Variants in EPB41 observed in about 807,000 individuals in gnomAD.
EPB41 encodes erythrocyte membrane protein band 4.1, also known as protein 4.1.
EPB41 carries 65 observed loss-of-function variants against 108.0 expected under a neutral mutation model. The observed-to-expected ratio is 0.60, with a 90% CI of 0.49 to 0.74. The LOEUF (loss-of-function observed/expected upper bound fraction) is 0.74, where lower values mean the gene tolerates loss of function less well. Among genes scored for constraint, EPB41 ranks in the 30% least tolerant of loss-of-function variants. The probability of loss-of-function intolerance (pLI) is 0.00; values close to 1 mark genes in which losing one functional copy is unlikely to be tolerated. For missense variants in EPB41, 875 were observed against 1,037.0 expected, an observed-to-expected ratio of 0.84 and a Z score of 2.15; for synonymous variants, 336 against 358.9, an observed-to-expected ratio of 0.94 and a Z score of 0.72.
Position 29,112,456 on chromosome 1 carries a change from T to C in EPB41, c.2496+8T>C, listed in dbSNP as rs1220472516. On this transcript the variant is annotated splice_region_variant and intron_variant, in intron 19 of 20. Transcript: ENST00000343067. The stretch of plus-strand genomic sequence containing the variant: ...GATATTGACCATGATCAGGTGGGAA[T>C]GTTGAAGAGATCTGGGCCTGGGAGG... 6.2e-7 allele frequency: 1 copy of C among 1,612,586 alleles called. No individual in the cohort carries two copies.
intron 6 of EPB41, among the ~76,000 whole-genome samples, chr1:29,016,786 T>C (rs973777874): frequency 6.6e-6 from 1 of 152,222 alleles, no homozygotes; most frequent in African/African-American, 2.4e-5. Flanking sequence ...TAGGGTCTTA[T>C]CCACAGGAGA....
chr1:28,895,030 T>G (rs1407304585), intron 1 of EPB41, among the ~76,000 whole-genome samples: 1 of 152,168 alleles, frequency 6.6e-6, no homozygotes, highest in Non-Finnish European at 1.5e-5. Flanking sequence ...TCTGCCACTC[T>G]CGCTGTGTGA....
chr1:28,895,956 GC>G (rs2090620809), intron 1 of EPB41, among the ~76,000 whole-genome samples: 1 of 152,298 alleles, frequency 6.6e-6, no homozygotes, highest in East Asian at 1.9e-4. Context: ...CCCCACCCAG[GC>G]CTGCTGCTGT....
chr1:29,058,459 C>A, intron 12 of EPB41, 130 bp from the exon 13 acceptor site: 1 of 814,050 alleles, frequency 1.2e-6, no homozygotes, highest in Non-Finnish European at 2.1e-6. Context: ...CTCCATAAGA[C>A]TGCATCATGA....
chr1:28,998,951 A>G (rs1418181447), intron 4 of EPB41, among the ~76,000 whole-genome samples: 7 of 152,246 alleles, frequency 4.6e-5, no homozygotes, highest in Admixed American at 4.6e-4. Flanking sequence ...AATAATTTGA[A>G]AAAGTCTAGC....
At chr1:28,917,466 A>G (rs183958) in intron 1 of EPB41, among the ~76,000 whole-genome samples, 47,599 of 151,824 alleles carry the variant, frequency 0.31, 8,986 homozygotes, top group East Asian at 0.85. Context: ...TTTTTAGTAG[A>G]GTTGGGGTTT....
chr1:28,927,759 C>G (rs157213), intron 1 of EPB41, among the ~76,000 whole-genome samples: 25,783 of 151,944 alleles, frequency 0.17, 2,715 homozygotes, highest in East Asian at 0.47. Flanking sequence ...ATGTAACAGC[C>G]AGTAAGGATA....
At chr1:29,056,494 A>AG in intron 12 of EPB41, among the ~76,000 whole-genome samples, 1 of 152,184 alleles carries the variant, frequency 6.6e-6, no homozygotes, top group Non-Finnish European at 1.5e-5. Context: ...TGTTCTGTGT[A>AG]GGGGCATACA....
chr1:29,083,870 A>G (rs2151295578), intron 16 of EPB41, among the ~76,000 whole-genome samples: 1 of 152,332 alleles, frequency 6.6e-6, no homozygotes. Flanking sequence ...AGCACTCGCA[A>G]TTAACTGATC....
rs191305788 is a variant in EPB41, at chr1:28,962,424, T to C, written c.-7-25007T>C. Among the ~76,000 whole-genome samples, 39 of 152,292 alleles carry C rather than the reference T, an allele frequency of 2.6e-4. 1 individual carries two copies. The highest frequency in any genetic ancestry group is 2.1e-3 in the Admixed American group (32 of 15,296). On this transcript the variant is annotated intron_variant, in intron 1 of 20. Transcript: ENST00000343067. ...TTACTTTTGCATCAACCTATATAATTCATATACCATAAATTCTACACTGTA... is the reference window on the plus strand; with the variant it reads ...TTACTTTTGCATCAACCTATATAATCCATATACCATAAATTCTACACTGTA...
chr1:28,925,604 A>T (rs1306795115), intron 1 of EPB41, among the ~76,000 whole-genome samples: 1 of 151,916 alleles, frequency 6.6e-6, no homozygotes, highest in African/African-American at 2.4e-5. Context: ...GGAGTAAGAC[A>T]GTGAGCTGTG....
chr1:28,920,889 C>T (rs1297487445), intron 1 of EPB41, among the ~76,000 whole-genome samples: 1 of 152,088 alleles, frequency 6.6e-6, no homozygotes, highest in Non-Finnish European at 1.5e-5. Context: ...CCTTGGCCTC[C>T]CAAAGTGCTG....
At position 29,006,695 on chromosome 1, in the gene EPB41, T is replaced by G. The variant is rs538352608; in HGVS notation, c.787-5170T>G. 2.6e-5 allele frequency among the ~76,000 whole-genome samples: 4 copies of G among 152,100 alleles called. No individual in the cohort carries two copies. In the East Asian group the frequency reaches 5.8e-4, roughly 22 times the overall value. On this transcript the variant is annotated intron_variant, in intron 4 of 20. Transcript: ENST00000343067. Reference sequence around the variant, plus strand: ...CTCCCCACTCCCCATCAAAAGTAACTTCTTCCTCCAGCCTGGGCGACATAG... The same window carrying G: ...CTCCCCACTCCCCATCAAAAGTAACGTCTTCCTCCAGCCTGGGCGACATAG...
At chr1:29,013,189 G>T (rs1558019788) in intron 5 of EPB41, among the ~76,000 whole-genome samples, 1 of 152,058 alleles carries the variant, frequency 6.6e-6, no homozygotes, top group Admixed American at 6.6e-5. Context: ...GCTGGGTGTG[G>T]TGGCGCATGC....
intron 1 of EPB41, among the ~76,000 whole-genome samples, chr1:28,954,698 C>T (rs543973050): frequency 5.3e-5 from 8 of 152,148 alleles, no homozygotes; most frequent in South Asian, 2.1e-4. Context: ...AAAAACATGC[C>T]GATGGTTGAT....
rs371873098 is a variant in EPB41 at position 28,948,844 on chromosome 1, G to A, written c.-8+34076G>A. 1.3e-4 allele frequency among the ~76,000 whole-genome samples: 20 copies of A among 152,168 alleles called. 1 individual carries two copies. The East Asian group carries it at 3.7e-3, about 28-fold the overall frequency. On this transcript the variant is annotated intron_variant, in intron 1 of 20. Coordinates refer to ENST00000343067, the MANE Select transcript of EPB41 (RefSeq NM_001376013.1). The stretch of plus-strand genomic sequence containing the variant: ...CGTGCCTGTAGTCCCAGCTACTCGG[G>A]AGGCTAAGGCAGAAGAATCGCTTGA...
chr1:29,113,188 T>G (rs962008853), intron 19 of EPB41, among the ~76,000 whole-genome samples: 1 of 152,148 alleles, frequency 6.6e-6, no homozygotes, highest in African/African-American at 2.4e-5. Flanking sequence ...AATAATAAGG[T>G]CAGGATTAAT....
At chr1:28,982,222 A>T in intron 1 of EPB41, 1 of 410,020 alleles carries the variant, frequency 2.4e-6, no homozygotes, top group South Asian at 1.9e-5. Context: ...AAGGACATGA[A>T]CTCATCATTT....
rs35883902 is a variant in EPB41, at chr1:28,938,535, A to ATTT, written c.-8+23780_-8+23782dup. ...ATATAGAAATACAGTTGATTTTTGAATTTTTTTTTTTTTTTGACACAGTAT... is the reference window on the plus strand; with the variant it reads ...ATATAGAAATACAGTTGATTTTTGAATTTTTTTTTTTTTTTTTTGACACAGTAT... On this transcript the variant is annotated intron_variant, in intron 1 of 20. Transcript: ENST00000343067. Among the ~76,000 whole-genome samples, 1,210 of 145,156 alleles carry ATTT rather than the reference A, an allele frequency of 8.3e-3. 24 individuals carry two copies. The highest frequency in any genetic ancestry group is 0.031 in the East Asian group (154 of 5,026).
Sources: gnomAD v4.1 joint callset for allele counts (sites outside exome capture counted in the v4.1 genomes callset) on GRCh38, gnomAD v4.1.1 for gene constraint, MANE v1.5 for transcripts, NCBI Gene and HGNC (gene_info 2026-07-23, HGNC 2026-07-21) for gene names.